Variants in FAM13C observed in about 807,000 individuals in gnomAD.
FAM13C encodes the protein family with sequence similarity 13 member C.
FAM13C carries 37 observed loss-of-function variants against 73.2 expected under a neutral mutation model. That is an observed-to-expected ratio of 0.51 (90% CI 0.39 to 0.67). The LOEUF is 0.67. Ranked by LOEUF, FAM13C falls within the 30% of genes least tolerant of loss-of-function variation. The probability of loss-of-function intolerance (pLI) is 0.00; values close to 1 mark genes in which losing one functional copy is unlikely to be tolerated. For missense variants in FAM13C, 589 were observed against 715.6 expected (o/e 0.82, Z 2.02); for synonymous variants, 246 against 260.9 (o/e 0.94, Z 0.55).
intron 13 of FAM13C, among the ~76,000 whole-genome samples, chr10:59,248,598 C>T (rs1331189152): frequency 6.6e-6 from 1 of 152,124 alleles, no homozygotes; most frequent in Non-Finnish European, 1.5e-5. Context: ...CCACCCACGA[C>T]TTTGAAATTC....
chr10:59,326,680 G>A (rs1564588876), intron 3 of FAM13C, among the ~76,000 whole-genome samples: 1 of 152,054 alleles, frequency 6.6e-6, no homozygotes, highest in African/African-American at 2.4e-5. Flanking sequence ...ATCTCCTTAT[G>A]GAAGGATCAC....
chr10:59,357,728 C>T lies in FAM13C; in HGVS notation c.63-1785G>A, dbSNP rs533746423. The stretch of plus-strand genomic sequence containing the variant: ...CTATTTCTGTTTTTTATTCTTGTCT[C>T]AGACACGTTTTAAACAATTTGGAGA... On this transcript the variant is annotated intron_variant, in intron 1 of 13. Coordinates refer to ENST00000618804, the MANE Select transcript of FAM13C (RefSeq NM_198215.4). 3.3e-5 allele frequency among the ~76,000 whole-genome samples: 5 copies of T among 152,254 alleles called. No individual in the cohort carries two copies. In the South Asian group the frequency reaches 1.0e-3, roughly 32 times the overall value.
intron 3 of FAM13C, among the ~76,000 whole-genome samples, chr10:59,345,219 G>A (rs930432751): frequency 3.3e-5 from 5 of 152,100 alleles, no homozygotes; most frequent in Admixed American, 6.6e-5. Context: ...CCATCGATAC[G>A]CTTGTGTTTA....
intron 3 of FAM13C, among the ~76,000 whole-genome samples, chr10:59,342,484 G>A (rs1853640751): frequency 6.6e-6 from 1 of 152,144 alleles, no homozygotes; most frequent in African/African-American, 2.4e-5. Context: ...GTCACCCAGA[G>A]TTAGCAGATA....
chr10:59,247,843 G>T, intron 13 of FAM13C, 106 bp from the exon 14 acceptor site: 8 of 1,068,304 alleles, frequency 7.5e-6, no homozygotes, highest in African/African-American at 3.2e-5. Context: ...GCCTCCACTT[G>T]GTTTTTGCAT....
intron 6 of FAM13C, among the ~76,000 whole-genome samples, chr10:59,272,225 A>G (rs927566232): frequency 1.3e-5 from 2 of 152,192 alleles, no homozygotes; most frequent in Non-Finnish European, 2.9e-5. Context: ...CCTTGCCTCC[A>G]ATTCACTATT....
Position 59,247,505 on chromosome 10 carries a change from C to G in FAM13C, c.*109G>C, listed in dbSNP as rs922118578. The G allele has an allele frequency of 7.2e-7, 1 of 1,390,640 alleles. No individual in the cohort carries two copies. Among genetic ancestry groups the G allele is most frequent in the African/African-American group, 1.4e-5 (1 of 69,672 alleles). The allele number at this position is 1,390,640 out of a possible 1,614,324, so 86.1% of individuals were successfully genotyped here. A position where few individuals can be genotyped will look rare whatever the true frequency, so the allele number is the denominator to read the frequency against. On this transcript the variant is annotated 3_prime_UTR_variant, in exon 14 of 14. Coordinates refer to ENST00000618804, the MANE Select transcript of FAM13C (RefSeq NM_198215.4). ...TTCTTAAAAACAGCTAATACTACCACTAAAGTGCTTCCATTTTCATTGTGT... is the reference window on the plus strand; with the variant it reads ...TTCTTAAAAACAGCTAATACTACCAGTAAAGTGCTTCCATTTTCATTGTGT...
At chr10:59,304,768 G>GGGAAGGGAAGGGAAA (rs1848010077) in intron 4 of FAM13C, among the ~76,000 whole-genome samples, 1 of 71,066 alleles carries the variant, frequency 1.4e-5, no homozygotes, top group African/African-American at 5.3e-5. Context: ...AAAGAGGGAA[G>GGGAAGGGAAGGGAAA]GGAAGGGAAG....
intron 3 of FAM13C, among the ~76,000 whole-genome samples, chr10:59,334,472 A>G (rs888037659): frequency 6.6e-6 from 1 of 152,162 alleles, no homozygotes; most frequent in Non-Finnish European, 1.5e-5. Flanking sequence ...TGTTTATTGC[A>G]GCACTATTCA....
intron 4 of FAM13C, among the ~76,000 whole-genome samples, chr10:59,303,877 C>T (rs769247304): frequency 6.6e-5 from 10 of 152,242 alleles, no homozygotes; most frequent in South Asian, 2.1e-4. Context: ...CGGCCAGGCG[C>T]GGTGGCTCAT....
Position 59,254,328 on chromosome 10 carries a change from A to G in FAM13C, c.1332+20T>C, listed in dbSNP as rs868678258. The G allele has an allele frequency of 1.1e-5, 16 of 1,488,748 alleles. No individual in the cohort carries two copies. The East Asian group carries it at 1.5e-4, about 14-fold the overall frequency. The allele number at this position is 1,488,748 out of a possible 1,614,324, so 92.2% of individuals were successfully genotyped here. ...CTACACATCAGTACAAAGTAACAGC[A>G]TGCAAGTATCCTGACTTACAATTGT... On this transcript the variant is annotated intron_variant, in intron 11 of 13. Coordinates refer to ENST00000618804, the MANE Select transcript of FAM13C (RefSeq NM_198215.4).
chr10:59,285,366 A>G (rs1429598156), intron 5 of FAM13C, among the ~76,000 whole-genome samples: 1 of 150,436 alleles, frequency 6.6e-6, no homozygotes, highest in Non-Finnish European at 1.5e-5. Flanking sequence ...GGGAGGATTT[A>G]CTATTTAGTA....
intron 6 of FAM13C, among the ~76,000 whole-genome samples, chr10:59,278,833 TACACACACACACAC>T (rs3078283): frequency 3.4e-5 from 5 of 147,730 alleles, no homozygotes; most frequent in African/African-American, 7.4e-5. Context: ...CACATACACA[TACACACACACACAC>T]ACACACACAC....
chr10:59,307,513 T>G (rs1391663375), intron 4 of FAM13C, among the ~76,000 whole-genome samples: 1 of 152,178 alleles, frequency 6.6e-6, no homozygotes, highest in East Asian at 1.9e-4. Flanking sequence ...ATTATATCTA[T>G]TTCACCTAAT....
At chr10:59,247,998 G>A (rs1840888006) in intron 13 of FAM13C, among the ~76,000 whole-genome samples, 1 of 151,996 alleles carries the variant, frequency 6.6e-6, no homozygotes, top group Admixed American at 6.6e-5. Context: ...TACAACAAAG[G>A]GGTCAGTGAA....
intron 12 of FAM13C, 123 bp from the exon 13 acceptor site, chr10:59,251,799 A>G: frequency 1.4e-6 from 1 of 710,170 alleles, no homozygotes; most frequent in Non-Finnish European, 2.3e-6. Flanking sequence ...TCATAAGAGT[A>G]TCTTTTGAGT....
chr10:59,253,042 A>G (rs1307629924), intron 11 of FAM13C, 44 bp from the exon 12 acceptor site: 1 of 1,596,396 alleles, frequency 6.3e-7, no homozygotes, highest in Non-Finnish European at 8.6e-7. Context: ...TGTAATGCTC[A>G]GTGCCTCTTG....
In FAM13C at chr10:59,352,253, G is replaced by C; in HGVS notation, c.324+17C>G. On this transcript the variant is annotated intron_variant, in intron 3 of 13. Coordinates refer to ENST00000618804, the MANE Select transcript of FAM13C (RefSeq NM_198215.4). ...ATCACCCGTCTTGGCAAAAGCCTGAGAAGAGAGAGCTGCTACCTGACTTTC... is the reference window on the plus strand; with the variant it reads ...ATCACCCGTCTTGGCAAAAGCCTGACAAGAGAGAGCTGCTACCTGACTTTC... 4 of 1,612,908 alleles carry C rather than the reference G, an allele frequency of 2.5e-6. No homozygotes were observed. The highest frequency in any genetic ancestry group is 3.4e-6 in the Non-Finnish European group (4 of 1,179,788).
chr10:59,278,858 A>C (rs988982326), intron 6 of FAM13C, among the ~76,000 whole-genome samples: 1 of 148,618 alleles, frequency 6.7e-6, no homozygotes, highest in African/African-American at 2.5e-5. Context: ...ACACACACAC[A>C]CCATAATGAA....
Sources: gnomAD v4.1 joint callset for allele counts (sites outside exome capture counted in the v4.1 genomes callset) on GRCh38, gnomAD v4.1.1 for gene constraint, MANE v1.5 for transcripts, NCBI Gene and HGNC (gene_info 2026-07-23, HGNC 2026-07-21) for gene names.